CHD7: variants seen among roughly 807,000 people sequenced by gnomAD.
CHD7 encodes the protein ATP-dependent chromatin remodeler CHD7.
CHD7 carries 24 observed loss-of-function variants against 307.3 expected under a neutral mutation model. That is an observed-to-expected ratio of 0.08 (90% CI 0.06 to 0.11). The LOEUF (loss-of-function observed/expected upper bound fraction) is 0.11. Ranked by LOEUF, CHD7 falls within the 10% of genes least tolerant of loss-of-function variation. CHD7 has a pLI of 1.00. For missense variants in CHD7, 3,106 were observed against 3,727.1 expected (o/e 0.83, Z 4.34); for synonymous variants, 1,363 against 1,349.9 (o/e 1.01, Z -0.21).
At chr8:60,690,606 A>G (rs1806146032) in intron 1 of CHD7, among the ~76,000 whole-genome samples, 1 of 152,220 alleles carries the variant, frequency 6.6e-6, no homozygotes, top group Admixed American at 6.5e-5. Flanking sequence ...GATAAGGAAA[A>G]CTGTCTTATA....
chr8:60,761,387 AT>A (rs1462670482), intron 2 of CHD7, among the ~76,000 whole-genome samples: 1 of 151,342 alleles, frequency 6.6e-6, no homozygotes, highest in African/African-American at 2.4e-5. Context: ...GATATACCTA[AT>A]GCTAAATGAC....
chr8:60,688,259 TCTC>T (rs1806013681), intron 1 of CHD7, among the ~76,000 whole-genome samples: 1 of 152,106 alleles, frequency 6.6e-6, no homozygotes, highest in Admixed American at 6.5e-5. Context: ...CATAATACAT[TCTC>T]CTAACTGCCC....
intron 1 of CHD7, among the ~76,000 whole-genome samples, chr8:60,680,491 G>T (rs1418170506): frequency 6.6e-6 from 1 of 151,262 alleles, no homozygotes; most frequent in Non-Finnish European, 1.5e-5. Flanking sequence ...CGCCGGCCCC[G>T]AGCAGCCATC....
intron 7 of CHD7, among the ~76,000 whole-genome samples, chr8:60,811,087 G>A (rs1812783698): frequency 1.3e-5 from 2 of 152,084 alleles, no homozygotes; most frequent in African/African-American, 2.4e-5. Context: ...CCAAGGACCC[G>A]CCCCAGTCCG....
chr8:60,796,783 ATGTC>A (rs1812058826), intron 4 of CHD7, among the ~76,000 whole-genome samples: 4 of 152,192 alleles, frequency 2.6e-5, no homozygotes, highest in African/African-American at 7.2e-5. Flanking sequence ...TTTTCTTGGT[ATGTC>A]TGACACAGGA....
At chr8:60,790,843 G>T (rs1322624417) in intron 3 of CHD7, among the ~76,000 whole-genome samples, 1 of 152,084 alleles carries the variant, frequency 6.6e-6, no homozygotes, top group East Asian at 1.9e-4. Context: ...CCTTGTATGG[G>T]GTACATCATG....
intron 35 of CHD7, chr8:60,861,974 TAAAAG>T (rs1405571369): frequency 2.8e-6 from 1 of 359,636 alleles, no homozygotes; most frequent in East Asian, 4.8e-5. Flanking sequence ...TATTGATAGA[TAAAAG>T]GAAAAGCCAA....
At chr8:60,750,257 A>G (rs888571764) in intron 2 of CHD7, among the ~76,000 whole-genome samples, 1 of 152,200 alleles carries the variant, frequency 6.6e-6, no homozygotes, top group Admixed American at 6.5e-5. Context: ...CTGCATTTTC[A>G]TCTTGGTGTC....
chr8:60,685,963 A>G (rs1418534622), intron 1 of CHD7, among the ~76,000 whole-genome samples: 1 of 152,204 alleles, frequency 6.6e-6, no homozygotes, highest in Admixed American at 6.5e-5. Flanking sequence ...ACTTTTTGTT[A>G]TAGATCAAAT....
intron 1 of CHD7, chr8:60,679,445 G>A (rs1024960084): frequency 6.9e-6 from 1 of 145,218 alleles, no homozygotes; most frequent in African/African-American, 2.5e-5. Context: ...GCGTGGGGGG[G>A]GGGTACGGGG....
At chr8:60,762,468 G>A (rs112147525) in intron 2 of CHD7, among the ~76,000 whole-genome samples, 2 of 152,182 alleles carry the variant, frequency 1.3e-5, no homozygotes, top group African/African-American at 4.8e-5. Flanking sequence ...TTAGTGAGCT[G>A]TGTGGCCTGG....
At chr8:60,824,423 C>T (rs1281590232) in intron 13 of CHD7, 2 of 236,486 alleles carry the variant, frequency 8.5e-6, no homozygotes, top group East Asian at 8.5e-5. Context: ...ATGTTCAACC[C>T]GTAAGTATAA....
intron 1 of CHD7, among the ~76,000 whole-genome samples, chr8:60,739,884 T>TA (rs1455374853): frequency 5.9e-5 from 9 of 152,206 alleles, no homozygotes; most frequent in African/African-American, 2.2e-4. Flanking sequence ...TATCATCACT[T>TA]TGGAAATTCT....
intron 14 of CHD7, 150 bp from the exon 15 acceptor site, chr8:60,830,172 T>C: frequency 1.3e-6 from 1 of 765,882 alleles, no homozygotes; most frequent in Non-Finnish European, 2.1e-6. Context: ...TTATGAAAGC[T>C]GAGAGATGAG....
At chr8:60,709,889 T>C (rs1194807451) in intron 1 of CHD7, among the ~76,000 whole-genome samples, 1 of 152,234 alleles carries the variant, frequency 6.6e-6, no homozygotes. Flanking sequence ...ATGTGTCTTA[T>C]AGTAATAATT....
chr8:60,754,566 T>C (rs944881680), intron 2 of CHD7, among the ~76,000 whole-genome samples: 5 of 152,182 alleles, frequency 3.3e-5, no homozygotes, highest in Non-Finnish European at 4.4e-5. Context: ...GCCTTAAAAA[T>C]CAACTTACTA....
chr8:60,845,895 G>A (rs745310410), intron 23 of CHD7, among the ~76,000 whole-genome samples: 1 of 152,098 alleles, frequency 6.6e-6, no homozygotes, highest in Non-Finnish European at 1.5e-5. Flanking sequence ...CTGGCCCCTG[G>A]CAATCACCAT....
At chr8:60,789,653 TA>T (rs1811672904) in intron 3 of CHD7, among the ~76,000 whole-genome samples, 1 of 152,252 alleles carries the variant, frequency 6.6e-6, no homozygotes, top group Admixed American at 6.5e-5. Flanking sequence ...TTCTCTTTTG[TA>T]ATAAATCAGG....
At chr8:60,690,551 T>C (rs1806142567) in intron 1 of CHD7, among the ~76,000 whole-genome samples, 1 of 152,214 alleles carries the variant, frequency 6.6e-6, no homozygotes, top group South Asian at 2.1e-4. Context: ...TTGTGGCTAC[T>C]CTGGGGTGCT....
Sources: gnomAD v4.1 joint callset for allele counts (sites outside exome capture counted in the v4.1 genomes callset) on GRCh38, gnomAD v4.1.1 for gene constraint, MANE v1.5 for transcripts, NCBI Gene and HGNC (gene_info 2026-07-23, HGNC 2026-07-21) for gene names.